DAAM2: variants seen among roughly 807,000 people sequenced by gnomAD.
DAAM2 encodes dishevelled associated activator of morphogenesis 2.
A neutral mutation model predicts 120.7 loss-of-function variants in DAAM2; 39 were observed. The ratio of observed to expected loss-of-function variants is 0.32; its 90% confidence interval spans 0.25 to 0.42. The LOEUF (loss-of-function observed/expected upper bound fraction) is 0.42. Among genes scored for constraint, DAAM2 ranks in the 10% least tolerant of loss-of-function variants. The pLI, the probability that DAAM2 is intolerant of heterozygous loss-of-function variation, is 1.00. For synonymous variants in DAAM2, 488 were observed against 524.9 expected, an observed-to-expected ratio of 0.93 and a Z score of 0.96; for missense variants, 1,283 against 1,401.7, an observed-to-expected ratio of 0.92 and a Z score of 1.35.
At chr6:39,886,606 A>C (rs1310305045) in intron 15 of DAAM2, 1 of 396,682 alleles carries the variant, frequency 2.5e-6, no homozygotes, top group Non-Finnish European at 4.4e-6. Context: ...AAGAGAAAGA[A>C]GAAATGTAGC....
intron 1 of DAAM2, among the ~76,000 whole-genome samples, chr6:39,810,059 A>G (rs2114054598): frequency 6.6e-6 from 1 of 152,318 alleles, no homozygotes; most frequent in East Asian, 1.9e-4. Flanking sequence ...AAGAAAGAAA[A>G]TGACAATGCA....
intron 1 of DAAM2, among the ~76,000 whole-genome samples, chr6:39,837,663 C>CAAAAAAAAAAAAAAAAAAAAAAAAAAA (rs758751293): frequency 9.7e-5 from 4 of 41,196 alleles, no homozygotes; most frequent in African/African-American, 3.4e-4. Context: ...AACTCCATCT[C>CAAAAAAAAAAAAAAAAAAAAAAAAAAA]AAAAAAAAAA....
chr6:39,820,320 A>G (rs1762447780), intron 1 of DAAM2: 1 of 152,216 alleles, frequency 6.6e-6, no homozygotes, highest in Admixed American at 6.5e-5. Flanking sequence ...CCAGGTTTTA[A>G]AAAACTTTTT....
rs1330982290 is a variant in DAAM2, at chr6:39,896,840, C to A, written c.2370C>A (p.Val790=). The A allele has an allele frequency of 1.2e-6, 2 of 1,607,716 alleles. No homozygotes were observed. Among genetic ancestry groups the A allele is most frequent in the South Asian group, 2.2e-5 (2 of 90,230 alleles). The change falls in exon 20 of 25, where the codon GTC becomes GTA. Residue 790 remains valine, a synonymous_variant. Transcript: ENST00000274867. ...EAILLASREL[V]RSKRLRQMLE... is the part of the protein sequence containing the mutation. ...TCCTGTTGGCCTCCCGGGAGCTGGT[C>A]CGCAGCAAGCGTCTTAGACAGATGC...
At chr6:39,864,196 C>T (rs1764324749) in intron 3 of DAAM2, among the ~76,000 whole-genome samples, 1 of 152,180 alleles carries the variant, frequency 6.6e-6, no homozygotes, top group African/African-American at 2.4e-5. Context: ...ACTGAAAGTA[C>T]ACACACCTGC....
intron 10 of DAAM2, 61 bp from the exon 11 acceptor site, chr6:39,875,269 A>G: frequency 6.4e-7 from 1 of 1,565,846 alleles, no homozygotes; most frequent in South Asian, 1.2e-5. Context: ...CAGCAACTCT[A>G]GGGTGGGGCC....
At chr6:39,821,633 A>G (rs1762490907) in intron 1 of DAAM2, 1 of 152,182 alleles carries the variant, frequency 6.6e-6, no homozygotes, top group African/African-American at 2.4e-5. Context: ...GCGAGTCTTG[A>G]ACTTGGGGAT....
At chr6:39,802,276 G>C (rs1761887651) in intron 1 of DAAM2, among the ~76,000 whole-genome samples, 1 of 152,224 alleles carries the variant, frequency 6.6e-6, no homozygotes, top group Non-Finnish European at 1.5e-5. Flanking sequence ...GCAGCATAAA[G>C]CTGTTTTTCA....
chr6:39,818,137 T>C (rs6458123), intron 1 of DAAM2, among the ~76,000 whole-genome samples: 48,650 of 145,148 alleles, frequency 0.34, 11,588 homozygotes, highest in African/African-American at 0.66. Flanking sequence ...CGAGGTGGCG[T>C]CACTGCACTC....
intron 1 of DAAM2, among the ~76,000 whole-genome samples, chr6:39,842,195 C>A (rs928647673): frequency 6.6e-6 from 1 of 152,166 alleles, no homozygotes; most frequent in Non-Finnish European, 1.5e-5. Context: ...TCCACTCTGC[C>A]TCTCCCCACA....
Position 39,900,062 on chromosome 6 carries a change from A to G in DAAM2, c.2680-15A>G. ...TTGGCACCAGTCTAAGCAGCACTTCACCCTCCCTCCTCAGGAGCTGGAGTA... is the reference window on the plus strand; with the variant it reads ...TTGGCACCAGTCTAAGCAGCACTTCGCCCTCCCTCCTCAGGAGCTGGAGTA... On this transcript the variant is annotated splice_polypyrimidine_tract_variant and intron_variant, in intron 22 of 24. Coordinates refer to ENST00000274867, the MANE Select transcript of DAAM2 (RefSeq NM_001201427.2). 6.3e-7 allele frequency: 1 copy of G among 1,597,284 alleles called. No homozygotes were observed. The highest frequency in any genetic ancestry group is 1.1e-5 in the South Asian group (1 of 87,846).
chr6:39,852,278 T>G (rs1392837175), intron 1 of DAAM2, among the ~76,000 whole-genome samples: 1 of 152,204 alleles, frequency 6.6e-6, no homozygotes, highest in Non-Finnish European at 1.5e-5. Context: ...GGAAAACTCA[T>G]TGTTCCTCTT....
chr6:39,853,818 G>C (rs1295083317), intron 1 of DAAM2, among the ~76,000 whole-genome samples: 2 of 152,200 alleles, frequency 1.3e-5, no homozygotes, highest in African/African-American at 2.4e-5. Context: ...AAGCAGTCTT[G>C]CTTGCCAGCT....
chr6:39,857,641 C>T (rs1175187158), intron 2 of DAAM2, among the ~76,000 whole-genome samples: 1 of 152,126 alleles, frequency 6.6e-6, no homozygotes, highest in Admixed American at 6.5e-5. Context: ...GGCAGTGTTC[C>T]TTTCTTTGGC....
chr6:39,812,088 C>T (rs2114068693), intron 1 of DAAM2, among the ~76,000 whole-genome samples: 1 of 152,242 alleles, frequency 6.6e-6, no homozygotes, highest in Middle Eastern at 3.4e-3. Flanking sequence ...CAAAGGCTAC[C>T]AAAGAGCATG....
chr6:39,889,064 C>G (rs1158513638), intron 17 of DAAM2: 1 of 218,264 alleles, frequency 4.6e-6, no homozygotes, highest in Non-Finnish European at 9.1e-6. Flanking sequence ...ACCTAGAAAA[C>G]ACACAAAGAA....
chr6:39,882,406 G>GA (rs1156680939), intron 14 of DAAM2: 1 of 152,122 alleles, frequency 6.6e-6, no homozygotes, highest in Non-Finnish European at 1.5e-5. Flanking sequence ...CTTCCCGTGT[G>GA]AAGCAGCCAG....
chr6:39,794,171 T>A lies in DAAM2; in HGVS notation c.-57+1706T>A, dbSNP rs189866130. 2.9e-3 allele frequency among the ~76,000 whole-genome samples: 436 copies of A among 152,320 alleles called. 3 individuals carry two copies. Among genetic ancestry groups the A allele is most frequent in the African/African-American group, 9.6e-3 (400 of 41,572 alleles). ...GGAGGAAATCATCCCATAGGCAATG[T>A]AAACAAGGGTGCATGTAAACAGGAG... On this transcript the variant is annotated intron_variant, in intron 1 of 24. Coordinates refer to ENST00000274867, the MANE Select transcript of DAAM2 (RefSeq NM_001201427.2).
chr6:39,877,365 C>A (rs1376510479), intron 11 of DAAM2, among the ~76,000 whole-genome samples: 2 of 152,174 alleles, frequency 1.3e-5, no homozygotes, highest in Non-Finnish European at 2.9e-5. Context: ...TACCTCCCTC[C>A]CAACTTCAGG....
Sources: allele counts gnomAD v4.1 joint callset (sites outside exome capture counted in the v4.1 genomes callset), GRCh38; gene constraint gnomAD v4.1.1; transcripts MANE v1.5; gene names NCBI Gene and HGNC (gene_info 2026-07-23, HGNC 2026-07-21).